The following ST6GALNAC3 variants were observed in gnomAD, a reference collection of about 807,000 sequenced individuals.
ST6GALNAC3 encodes ST6 N-acetylgalactosaminide alpha-2,6-sialyltransferase 3.
ST6GALNAC3 carries 25 observed loss-of-function variants against 32.7 expected under a neutral mutation model. The observed-to-expected ratio is 0.76, with a 90% CI of 0.56 to 1.07. The LOEUF (loss-of-function observed/expected upper bound fraction) is 1.07, where lower values mean the gene tolerates loss of function less well. ST6GALNAC3 is among the 50% of genes least tolerant of loss of function. The pLI, the probability that ST6GALNAC3 is intolerant of heterozygous loss-of-function variation, is 0.00. For missense variants in ST6GALNAC3, 355 were observed against 382.4 expected (o/e 0.93, Z 0.60); for synonymous variants, 129 against 133.1 (o/e 0.97, Z 0.21).
intron 2 of ST6GALNAC3, among the ~76,000 whole-genome samples, chr1:76,391,219 C>A (rs1215475750): frequency 2.0e-5 from 3 of 152,160 alleles, no homozygotes; most frequent in Middle Eastern, 3.2e-3. Flanking sequence ...GGATTACAGG[C>A]TTGAGCCACC....
chr1:76,555,650 T>G (rs1438616726), intron 3 of ST6GALNAC3, among the ~76,000 whole-genome samples: 2 of 152,072 alleles, frequency 1.3e-5, no homozygotes, highest in Non-Finnish European at 2.9e-5. Flanking sequence ...ATTAGGCTAT[T>G]GATAGACTGA....
rs55786044 is a variant in ST6GALNAC3, at chr1:76,357,130, C to CTTTTTTTTTTTTTTTT, written c.213+43146_213+43147insTTTTTTTTTTTTTTTT. Among the ~76,000 whole-genome samples, 299 of 111,164 alleles carry CTTTTTTTTTTTTTTTT rather than the reference C, an allele frequency of 2.7e-3. 1 individual carries two copies. The highest frequency in any genetic ancestry group is 2.8e-3 in the African/African-American group (84 of 29,600). The allele number at this position is 111,164 out of a possible 152,430, so 72.9% of individuals were successfully genotyped here. On this transcript the variant is annotated intron_variant, in intron 2 of 4. Coordinates refer to ENST00000328299, the MANE Select transcript of ST6GALNAC3 (RefSeq NM_152996.4). ...TAGTTTTCTTTTTTCTTTTCTTTTT[C>CTTTTTTTTTTTTTTTT]TTTTTTTTTTTTTTTCATTTTTGAG...
chr1:76,115,837 T>C (rs1456814311), intron 1 of ST6GALNAC3, among the ~76,000 whole-genome samples: 2 of 152,204 alleles, frequency 1.3e-5, no homozygotes, highest in Admixed American at 6.5e-5. Context: ...TCCTACCTTT[T>C]GGGTAGTATT....
At chr1:76,222,162 G>C (rs1655810728) in intron 1 of ST6GALNAC3, among the ~76,000 whole-genome samples, 1 of 152,050 alleles carries the variant, frequency 6.6e-6, no homozygotes, top group Non-Finnish European at 1.5e-5. Context: ...ATGGGGAAAG[G>C]ACTCCCTATT....
In ST6GALNAC3 at chr1:76,629,767, T is replaced by C. The variant is rs1194327082; in HGVS notation, c.*961T>C. 2.1e-6 allele frequency: 2 copies of C among 974,490 alleles called. No individual in the cohort carries two copies. Among genetic ancestry groups the C allele is most frequent in the African/African-American group, 3.5e-5 (2 of 56,936 alleles). 60.4% of individuals were successfully genotyped at this position (974,490 alleles called of 1,614,324 possible). On this transcript the variant is annotated 3_prime_UTR_variant, in exon 5 of 5. Transcript: ENST00000328299. Reference sequence around the variant, plus strand: ...ACAGCAAAGCATATTTTTACATCAATTTGTATCCTATCATACTTCATAATA... The same window carrying C: ...ACAGCAAAGCATATTTTTACATCAACTTGTATCCTATCATACTTCATAATA...
intron 3 of ST6GALNAC3, among the ~76,000 whole-genome samples, chr1:76,426,407 C>T (rs1395255482): frequency 6.6e-6 from 1 of 151,774 alleles, no homozygotes; most frequent in Non-Finnish European, 1.5e-5. Flanking sequence ...TCACCAATAT[C>T]GCTGTCTTCC....
chr1:76,310,642 GGA>G (rs1376844818), intron 1 of ST6GALNAC3, among the ~76,000 whole-genome samples: 6 of 152,144 alleles, frequency 3.9e-5, no homozygotes, highest in African/African-American at 1.4e-4. Context: ...GACTTCCCTA[GGA>G]GAGTCTGCGA....
At chr1:76,277,528 G>GTA (rs370795804) in intron 1 of ST6GALNAC3, among the ~76,000 whole-genome samples, 1,757 of 84,312 alleles carry the variant, frequency 0.021, 8 homozygotes, top group South Asian at 0.037. Flanking sequence ...ATGTTTATGT[G>GTA]TATATATATA....
intron 1 of ST6GALNAC3, among the ~76,000 whole-genome samples, chr1:76,236,171 C>T (rs1314191509): frequency 6.6e-6 from 1 of 152,094 alleles, no homozygotes; most frequent in Non-Finnish European, 1.5e-5. Context: ...TAGTCCCGAA[C>T]CCCTGACCTC....
At chr1:76,507,725 T>C (rs1661566018) in intron 3 of ST6GALNAC3, among the ~76,000 whole-genome samples, 1 of 152,242 alleles carries the variant, frequency 6.6e-6, no homozygotes, top group African/African-American at 2.4e-5. Context: ...TATTATCATG[T>C]GGTTATGAAC....
intron 3 of ST6GALNAC3, among the ~76,000 whole-genome samples, chr1:76,456,909 A>T (rs1207412010): frequency 6.6e-6 from 1 of 152,204 alleles, no homozygotes; most frequent in Non-Finnish European, 1.5e-5. Flanking sequence ...GAGGAAGTCA[A>T]ATTGTCCCTG....
intron 3 of ST6GALNAC3, among the ~76,000 whole-genome samples, chr1:76,460,314 T>C (rs1023471352): frequency 1.3e-5 from 2 of 152,188 alleles, no homozygotes; most frequent in African/African-American, 2.4e-5. Flanking sequence ...CATTTTTAAA[T>C]TGGGTCGTTT....
chr1:76,201,804 G>A (rs912999357), intron 1 of ST6GALNAC3, among the ~76,000 whole-genome samples: 3 of 152,136 alleles, frequency 2.0e-5, no homozygotes, highest in African/African-American at 7.2e-5. Context: ...GGGATCATTT[G>A]TGATTGTAAC....
intron 3 of ST6GALNAC3, among the ~76,000 whole-genome samples, chr1:76,435,080 C>T (rs976330322): frequency 5.9e-5 from 9 of 151,986 alleles, no homozygotes; most frequent in African/African-American, 7.2e-5. Flanking sequence ...CCTGAGCCAC[C>T]GTGCCTGGCC....
At chr1:76,481,070 T>G (rs946600313) in intron 3 of ST6GALNAC3, among the ~76,000 whole-genome samples, 1 of 152,132 alleles carries the variant, frequency 6.6e-6, no homozygotes, top group Non-Finnish European at 1.5e-5. Context: ...AAATCTCTAG[T>G]TAGGTCCCTT....
At chr1:76,223,512 C>T (rs1377506077) in intron 1 of ST6GALNAC3, among the ~76,000 whole-genome samples, 1 of 152,116 alleles carries the variant, frequency 6.6e-6, no homozygotes, top group Non-Finnish European at 1.5e-5. Context: ...CTGTGACACA[C>T]AGTTTACCTA....
At chr1:76,242,372 T>G (rs973436178) in intron 1 of ST6GALNAC3, among the ~76,000 whole-genome samples, 3 of 152,042 alleles carry the variant, frequency 2.0e-5, no homozygotes, top group Non-Finnish European at 2.9e-5. Flanking sequence ...GCATGCTGAG[T>G]GCATCACGTC....
chr1:76,340,199 G>T (rs962171586), intron 2 of ST6GALNAC3, among the ~76,000 whole-genome samples: 1 of 152,258 alleles, frequency 6.6e-6, no homozygotes, highest in Non-Finnish European at 1.5e-5. Flanking sequence ...GCCAAGGGAT[G>T]TGTAGGGTGA....
chr1:76,616,491 A>G (rs930238308), intron 3 of ST6GALNAC3, among the ~76,000 whole-genome samples: 1 of 152,196 alleles, frequency 6.6e-6, no homozygotes, highest in Non-Finnish European at 1.5e-5. Context: ...CTCCCCATTT[A>G]GGAATTTTCT....
Sources: allele counts gnomAD v4.1 joint callset (sites outside exome capture counted in the v4.1 genomes callset), GRCh38; gene constraint gnomAD v4.1.1; transcripts MANE v1.5; gene names NCBI Gene and HGNC (gene_info 2026-07-23, HGNC 2026-07-21).